The following PDE4A variants were observed in gnomAD, a reference collection of about 807,000 sequenced individuals.
PDE4A encodes the protein 3',5'-cyclic-AMP phosphodiesterase 4A.
Under a neutral mutation model 73.9 loss-of-function variants are expected in PDE4A, and 21 were observed. The ratio of observed to expected loss-of-function variants is 0.28; its 90% CI spans 0.20 to 0.41. The LOEUF (loss-of-function observed/expected upper bound fraction) is 0.41, where lower values mean the gene tolerates loss of function less well. Among genes scored for constraint, PDE4A ranks in the 10% least tolerant of loss-of-function variants. The probability of loss-of-function intolerance (pLI) is 1.00; values close to 1 mark genes in which losing one functional copy is unlikely to be tolerated. For missense variants in PDE4A, 958 were observed against 1,211.4 expected (o/e 0.79, Z 3.10); for synonymous variants, 463 against 505.4 (o/e 0.92, Z 1.13).
chr19:10,445,629 G>T (rs1234926082), intron 1 of PDE4A, among the ~76,000 whole-genome samples: 1 of 151,800 alleles, frequency 6.6e-6, no homozygotes, highest in Non-Finnish European at 1.5e-5. Context: ...TTAGCCAGGT[G>T]CGGTGGTGCA....
chr19:10,421,190 TGGCTGGCGGGGGCGGAGGGAATTC>T, intron 1 of PDE4A, 106 bp downstream of exon 1: 1 of 1,332,876 alleles, frequency 7.5e-7, no homozygotes, highest in Non-Finnish European at 9.5e-7. Context: ...GGGGTCGGTT[TGGCTGGCGGGGGCGGAGGGAATTC>T]GGCTGCGGGG....
chr19:10,444,607 C>T (rs757468348), intron 1 of PDE4A, among the ~76,000 whole-genome samples: 1 of 151,386 alleles, frequency 6.6e-6, no homozygotes, highest in Non-Finnish European at 1.5e-5. Flanking sequence ...AAAGAGGAGC[C>T]GCTGCAAATC....
At chr19:10,450,385 G>C in intron 4 of PDE4A, 1 of 564,594 alleles carries the variant, frequency 1.8e-6, no homozygotes, top group Non-Finnish European at 2.2e-6. Context: ...ATGTGGTCTT[G>C]AAGAAGCTGT....
At chr19:10,441,441 G>C (rs559470107) in intron 1 of PDE4A, among the ~76,000 whole-genome samples, 2 of 150,902 alleles carry the variant, frequency 1.3e-5, no homozygotes, top group South Asian at 4.2e-4. Flanking sequence ...TTTTTTTTAA[G>C]AGATGGGGTC....
In PDE4A at chr19:10,424,942, C is replaced by G. The variant is rs2042698211; in HGVS notation, c.320+3858C>G. 6.6e-6 allele frequency among the ~76,000 whole-genome samples: 1 copy of G among 152,216 alleles called. No homozygotes were observed. Among genetic ancestry groups the G allele is most frequent in the Admixed American group, 6.5e-5 (1 of 15,278 alleles). Reference sequence around the variant, plus strand: ...TGAGAATAGGAGTTAAAAACCAGATCTCGGCCAGGCGCGGTGGCTCTGTAA... The same window carrying G: ...TGAGAATAGGAGTTAAAAACCAGATGTCGGCCAGGCGCGGTGGCTCTGTAA... On this transcript the variant is annotated intron_variant, in intron 1 of 14. Coordinates refer to ENST00000380702, the MANE Select transcript of PDE4A (RefSeq NM_001111307.2). This position sits in a 1 kb window ranked among gnomAD's most constrained non-coding sequence, Gnocchi z 4.8.
intron 13 of PDE4A, among the ~76,000 whole-genome samples, chr19:10,462,696 C>T (rs2043293900): frequency 6.6e-6 from 1 of 152,116 alleles, no homozygotes; most frequent in Non-Finnish European, 1.5e-5. Flanking sequence ...ACCATTTCCT[C>T]CCATTTCCCC....
At position 10,421,083 on chromosome 19, in the gene PDE4A, C is replaced by A; in HGVS notation, c.319C>A (p.Arg107Ser). The A allele has an allele frequency of 7.3e-7, 1 of 1,370,582 alleles. No homozygotes were observed. The highest frequency in any genetic ancestry group is 4.0e-5 in the Admixed American group (1 of 25,280). The allele number at this position is 1,370,582 out of a possible 1,614,324, so 84.9% of individuals were successfully genotyped here. ...CGGCGCGGGCGGAGGCAGCAGCAGG[C>A]GGTAAGACTCCCCGCGGCGGATGCG... is the stretch of plus-strand genomic sequence containing the variant. Reference protein sequence around the residue: ...SGGAGGGSSRRFEAENGPTPS... With the variant: ...SGGAGGGSSRSFEAENGPTPS... Residue 107 changes from arginine to serine, a missense_variant and splice_region_variant, in exon 1 of 15, where the codon CGC becomes AGC. This residue lies in a region of PDE4A where 570 missense variants were observed against 827.7 expected (regional missense o/e 0.69). Transcript: ENST00000380702.
rs199850712 is a variant in PDE4A at position 10,453,248 on chromosome 19, G to A, written c.784-1581G>A. On this transcript the variant is annotated intron_variant, in intron 6 of 14. Transcript: ENST00000380702. The surrounding 1 kb of genome is among the most constrained non-coding windows in gnomAD (Gnocchi z 4.6). ...GCCTCTGTGTGCAGCAGCCCCAGGC[G>A]GGCTAAGTCTCCAAGATGCCCTTGG... 4.0e-5 allele frequency: 64 copies of A among 1,609,300 alleles called. 2 individuals are homozygous for A. The South Asian group carries it at 5.8e-4, about 15-fold the overall frequency.
intron 7 of PDE4A, 135 bp downstream of exon 7, chr19:10,455,057 C>G (rs1052954428): frequency 5.2e-5 from 42 of 805,212 alleles, no homozygotes; most frequent in Admixed American, 1.1e-4. Flanking sequence ...CACAGTCACC[C>G]TATCCAGGAA....
intron 1 of PDE4A, among the ~76,000 whole-genome samples, chr19:10,445,911 C>T (rs2042997247): frequency 2.0e-5 from 3 of 146,752 alleles, no homozygotes; most frequent in Admixed American, 2.0e-4. Flanking sequence ...GATCTTGGCT[C>T]ACTGCAACCT....
chr19:10,464,465 A>G (rs781514011), intron 14 of PDE4A: 7 of 455,026 alleles, frequency 1.5e-5, no homozygotes, highest in Non-Finnish European at 1.3e-5. Flanking sequence ...TGCCCAGGGT[A>G]GCATGCAGTG....
At chr19:10,433,853 G>A (rs764384283) in intron 1 of PDE4A, among the ~76,000 whole-genome samples, 20 of 152,226 alleles carry the variant, frequency 1.3e-4, no homozygotes, top group Non-Finnish European at 2.2e-4. Flanking sequence ...ACGGGGAGCC[G>A]GGGGAGACAC....
At chr19:10,454,757 G>C (rs1709445829) in intron 6 of PDE4A, 72 bp from the exon 7 acceptor site, 1 of 1,604,964 alleles carries the variant, frequency 6.2e-7, no homozygotes, top group Non-Finnish European at 8.5e-7. Context: ...AGGCGTTCTT[G>C]GGAAGGACTG....
At position 10,420,634 on chromosome 19, in the gene PDE4A, C is replaced by A; in HGVS notation, c.-131C>A. ...GGCCCGCAGCGCCCCCGGGTCTGTCCCCGGGGCGCCATGGCCCTACCGCGG... is the reference window on the plus strand; with the variant it reads ...GGCCCGCAGCGCCCCCGGGTCTGTCACCGGGGCGCCATGGCCCTACCGCGG... On this transcript the variant is annotated 5_prime_UTR_variant, in exon 1 of 15. Coordinates refer to ENST00000380702, the MANE Select transcript of PDE4A (RefSeq NM_001111307.2). The surrounding 1 kb of genome is among the most constrained non-coding windows in gnomAD (Gnocchi z 6.0). The A allele has an allele frequency of 7.4e-7, 1 of 1,345,254 alleles. No individual in the cohort carries two copies. The highest frequency in any genetic ancestry group is 9.5e-7 in the Non-Finnish European group (1 of 1,055,522). The allele number at this position is 1,345,254 out of a possible 1,614,324, so 83.3% of individuals were successfully genotyped here.
intron 1 of PDE4A, among the ~76,000 whole-genome samples, chr19:10,438,484 C>T (rs189142815): frequency 4.1e-4 from 63 of 152,242 alleles, no homozygotes; most frequent in African/African-American, 1.4e-3. Context: ...CAGCCGCTGG[C>T]ACCCACTCTT....
intron 6 of PDE4A, among the ~76,000 whole-genome samples, chr19:10,452,556 A>G (rs767463579): frequency 1.8e-4 from 28 of 151,658 alleles, no homozygotes; most frequent in Non-Finnish European, 3.1e-4. Flanking sequence ...GGCATTTGCT[A>G]TATGCTCAGC....
At position 10,446,261 on chromosome 19, in the gene PDE4A, C is replaced by T. The variant is rs1451859057; in HGVS notation, c.364C>T (p.Pro122Ser). 1.3e-6 allele frequency: 2 copies of T among 1,599,512 alleles called. No homozygotes were observed. Among genetic ancestry groups the T allele is most frequent in the East Asian group, 2.3e-5 (1 of 43,868 alleles). Residue 122 changes from proline (P) to serine (S), a missense_variant, in exon 2 of 15, where the codon CCC (proline) becomes TCC (serine). Coordinates refer to ENST00000380702, the MANE Select transcript of PDE4A (RefSeq NM_001111307.2). ...GCCGACACCATCTCCTGGCCGCAGC[C>T]CCCTGGACTCGCAGGCGAGCCCAGG... ...NGPTPSPGRS[P>S]LDSQASPGLV...
rs745378947 is a variant in PDE4A at position 10,449,133 on chromosome 19, G to T, written c.603G>T (p.Val201=). The part of the protein sequence containing the change: ...VRSNFSLLTN[V]PVPSNKRSPL... ...GCAACTTCTCACTCCTGACCAATGT[G>T]CCCGTTCCCAGTAACAAGTAAGTGA... The change falls in exon 4 of 15, where the codon GTG becomes GTT. Residue 201 remains valine, a synonymous_variant. Coordinates refer to ENST00000380702, the MANE Select transcript of PDE4A (RefSeq NM_001111307.2). The T allele has an allele frequency of 6.2e-7, 1 of 1,613,596 alleles. No homozygotes were observed. Among genetic ancestry groups the T allele is most frequent in the East Asian group, 2.2e-5 (1 of 44,882 alleles).
intron 1 of PDE4A, among the ~76,000 whole-genome samples, chr19:10,439,878 A>T (rs965731429): frequency 1.4e-4 from 21 of 152,092 alleles, no homozygotes; most frequent in Non-Finnish European, 2.9e-4. Context: ...GCTGTCCCCA[A>T]AATACCCTCC....
Sources: allele counts gnomAD v4.1 joint callset (sites outside exome capture counted in the v4.1 genomes callset), GRCh38; gene constraint gnomAD v4.1.1; regional missense constraint gnomAD v4.1.1; non-coding constraint Gnocchi (gnomAD v3.1); transcripts MANE v1.5; gene names NCBI Gene and HGNC (gene_info 2026-07-23, HGNC 2026-07-21).